The following ERC2 variants were observed in gnomAD, a reference collection of about 807,000 sequenced individuals.
The protein encoded by ERC2 is ERC protein 2.
In ERC2, 42 loss-of-function variants were observed where a neutral mutation model predicts 114.8. The ratio of observed to expected loss-of-function variants is 0.37; its 90% CI spans 0.29 to 0.47. The LOEUF is 0.47. Ranked by LOEUF, ERC2 falls within the 20% of genes least tolerant of loss-of-function variation. The pLI, the probability that ERC2 is intolerant of heterozygous loss-of-function variation, is 0.99. For missense variants in ERC2, 939 were observed against 1,150.7 expected (o/e 0.82, Z 2.66); for synonymous variants, 454 against 425.5 (o/e 1.07, Z -0.82).
intron 1 of ERC2, 78 bp from the exon 2 acceptor site, chr3:56,435,225 GATA>G (rs1302953619): frequency 6.3e-6 from 3 of 477,070 alleles, no homozygotes; most frequent in Non-Finnish European, 1.1e-5. Context: ...AATATATAAA[GATA>G]ATGATAGATG....
chr3:56,145,515 A>G (rs2081090504), intron 5 of ERC2, among the ~76,000 whole-genome samples: 1 of 152,220 alleles, frequency 6.6e-6, no homozygotes, highest in Admixed American at 6.5e-5. Flanking sequence ...TTCAGCTCTC[A>G]CAGTTTGATT....
At chr3:55,679,931 T>G (rs943901167) in intron 17 of ERC2, among the ~76,000 whole-genome samples, 77 of 152,200 alleles carry the variant, frequency 5.1e-4, no homozygotes, top group African/African-American at 1.7e-3. Context: ...AGACCTGAAC[T>G]TCCTAGCCAC....
At chr3:56,126,807 G>GGGAAGGA (rs2079893550) in intron 6 of ERC2, among the ~76,000 whole-genome samples, 1 of 107,460 alleles carries the variant, frequency 9.3e-6, no homozygotes. Context: ...AAAGGAAAGG[G>GGGAAGGA]AAGGAAAGGA....
intron 2 of ERC2, chr3:56,433,705 T>G (rs1381193782): frequency 6.6e-6 from 1 of 152,616 alleles, no homozygotes; most frequent in East Asian, 1.9e-4. Flanking sequence ...TCCTGTGGCA[T>G]GAAGGATGGA....
At chr3:56,018,047 G>A (rs2073429297) in intron 8 of ERC2, among the ~76,000 whole-genome samples, 2 of 152,172 alleles carry the variant, frequency 1.3e-5, no homozygotes, top group African/African-American at 4.8e-5. Context: ...CATGAGCTCT[G>A]GGGAGTTTGT....
rs1472151432 is a variant in ERC2, at chr3:56,149,028, C to T, written c.1254G>A (p.Glu418=). 6.2e-7 allele frequency: 1 copy of T among 1,613,376 alleles called. No homozygotes were observed. Among genetic ancestry groups the T allele is most frequent in the Non-Finnish European group, 8.5e-7 (1 of 1,179,552 alleles). ...GVLNTEDREE[E]IKQIEVYKSH... ...TTTTGTAAACCTCAATTTGTTTGAT[C>T]TCTTCTTCGCGGTCCTCAGTGTTCA... Residue 418 remains glutamate (E), a synonymous_variant, in exon 5 of 18, where the codon GAG becomes GAA. Coordinates refer to ENST00000288221, the MANE Select transcript of ERC2 (RefSeq NM_015576.3).
At chr3:56,340,625 G>C (rs980939278) in intron 2 of ERC2, among the ~76,000 whole-genome samples, 6 of 150,762 alleles carry the variant, frequency 4.0e-5, no homozygotes, top group African/African-American at 1.5e-4. Flanking sequence ...ATTATTAGCA[G>C]CCTTGGGGCA....
At chr3:55,759,462 TAAAAAAAAAAAAAAAAAAAAA>T (rs540204065) in intron 14 of ERC2, among the ~76,000 whole-genome samples, 4 of 36,064 alleles carry the variant, frequency 1.1e-4, no homozygotes, top group Admixed American at 5.2e-4. Context: ...TCTCTTTCAT[TAAAAAAAAAAAAAAAAAAAAA>T]AAAAAAAAAA....
chr3:56,179,160 T>C (rs1269627611), intron 3 of ERC2, among the ~76,000 whole-genome samples: 3 of 152,000 alleles, frequency 2.0e-5, no homozygotes, highest in East Asian at 1.9e-4. Context: ...ATGCAGCCCA[T>C]AGACCACTGA....
At chr3:55,792,918 A>C (rs558990205) in intron 14 of ERC2, among the ~76,000 whole-genome samples, 6 of 152,336 alleles carry the variant, frequency 3.9e-5, no homozygotes, top group Admixed American at 2.0e-4. Flanking sequence ...GACAAATGTC[A>C]AGTCAGCACC....
chr3:56,143,699 T>C (rs2080992123), intron 5 of ERC2, among the ~76,000 whole-genome samples: 1 of 152,188 alleles, frequency 6.6e-6, no homozygotes, highest in Non-Finnish European at 1.5e-5. Flanking sequence ...GACTAATACA[T>C]ACATAACCCA....
At chr3:55,821,169 A>G (rs1038458204) in intron 14 of ERC2, among the ~76,000 whole-genome samples, 12 of 152,176 alleles carry the variant, frequency 7.9e-5, no homozygotes, top group Non-Finnish European at 1.6e-4. Flanking sequence ...GTGAGATTAG[A>G]CTGATGAATG....
At chr3:56,357,346 G>A (rs546701278) in intron 2 of ERC2, among the ~76,000 whole-genome samples, 3 of 152,276 alleles carry the variant, frequency 2.0e-5, no homozygotes, top group South Asian at 4.1e-4. Context: ...CTATTCTCAC[G>A]TGAGCCAATG....
rs759841529 is a variant in ERC2, at chr3:56,434,740, C to T, written c.268G>A (p.Val90Ile). 7 of 1,614,024 alleles carry T rather than the reference C, an allele frequency of 4.3e-6. No individual in the cohort carries two copies. The highest frequency in any genetic ancestry group is 1.3e-5 in the African/African-American group (1 of 75,048). Residue 90 changes from valine to isoleucine, a missense_variant, in exon 2 of 18, where the codon GTA (valine) becomes ATA (isoleucine). Coordinates refer to ENST00000288221, the MANE Select transcript of ERC2 (RefSeq NM_015576.3). The part of the protein sequence containing the change: ...MTLGRATNRA[V>I]YGGRVTAMGS... ...ATGGCTGTGACACGGCCTCCATATA[C>T]AGCTCGATTTGTAGCCCTTCCCAGA...
intron 3 of ERC2, among the ~76,000 whole-genome samples, chr3:56,220,087 G>T (rs1343530281): frequency 2.0e-5 from 3 of 152,070 alleles, no homozygotes; most frequent in African/African-American, 2.4e-5. Flanking sequence ...ACAAAGACTG[G>T]GTCTGGCCTC....
At chr3:55,952,194 CTCTCTA>C (rs1243267443) in intron 12 of ERC2, among the ~76,000 whole-genome samples, 14 of 111,942 alleles carry the variant, frequency 1.3e-4, no homozygotes, top group Non-Finnish European at 1.9e-4. Context: ...CTCTCTCTCT[CTCTCTA>C]TATATATATA....
At chr3:56,130,116 A>G (rs2080116859) in intron 6 of ERC2, among the ~76,000 whole-genome samples, 1 of 152,206 alleles carries the variant, frequency 6.6e-6, no homozygotes, top group Non-Finnish European at 1.5e-5. Context: ...GTACTGTAAA[A>G]TATCATTATT....
intron 17 of ERC2, among the ~76,000 whole-genome samples, chr3:55,523,181 GC>G (rs2053078993): frequency 6.6e-6 from 1 of 152,224 alleles, no homozygotes; most frequent in South Asian, 2.1e-4. Flanking sequence ...TGAAGCCACT[GC>G]CAAAGCCCAA....
chr3:56,418,714 G>A (rs2061268582), intron 2 of ERC2, among the ~76,000 whole-genome samples: 1 of 152,186 alleles, frequency 6.6e-6, no homozygotes, highest in Non-Finnish European at 1.5e-5. Flanking sequence ...GGAACATATT[G>A]TAGTTAGGTG....
Sources: gnomAD v4.1 joint callset for allele counts (sites outside exome capture counted in the v4.1 genomes callset) on GRCh38, gnomAD v4.1.1 for gene constraint, MANE v1.5 for transcripts, NCBI Gene and HGNC (gene_info 2026-07-23, HGNC 2026-07-21) for gene names.